Variants in NYAP2 observed in about 807,000 individuals in gnomAD.
NYAP2 encodes neuronal tyrosine-phosphorylated phosphoinositide-3-kinase adaptor 2, also known as neuronal tyrosine-phosphorylated phosphoinositide-3-kinase adapter 2.
NYAP2 carries 23 observed loss-of-function variants against 50.4 expected under a neutral mutation model. That is an observed-to-expected ratio of 0.46 (90% confidence interval 0.33 to 0.65). NYAP2 has a LOEUF of 0.65. Among genes scored for constraint, NYAP2 ranks in the 30% least tolerant of loss-of-function variants. The pLI, the probability that NYAP2 is intolerant of heterozygous loss-of-function variation, is 0.02. For synonymous variants in NYAP2, 394 were observed against 365.2 expected, an observed-to-expected ratio of 1.08 and a Z score of -0.90; for missense variants, 885 against 861.0, an observed-to-expected ratio of 1.03 and a Z score of -0.35.
intron 5 of NYAP2, among the ~76,000 whole-genome samples, chr2:225,609,724 C>A (rs1428623005): frequency 1.3e-5 from 2 of 152,038 alleles, no homozygotes; most frequent in Admixed American, 1.3e-4. Context: ...GTGGTACTTT[C>A]TTTATTTAAA....
intron 5 of NYAP2, among the ~76,000 whole-genome samples, chr2:225,622,518 C>CTTTCTTCTTTCTTTCT (rs149175182): frequency 2.8e-5 from 2 of 70,398 alleles, no homozygotes; most frequent in African/African-American, 8.3e-5. Flanking sequence ...TTCTTTCTTT[C>CTTTCTTCTTTCTTTCT]TTCTTTCTTT....
At chr2:225,598,372 A>G (rs1011881495) in intron 5 of NYAP2, among the ~76,000 whole-genome samples, 4 of 152,250 alleles carry the variant, frequency 2.6e-5, no homozygotes, top group Non-Finnish European at 5.9e-5. Flanking sequence ...CCAAAAAGCT[A>G]TAGGTATTAA....
intron 3 of NYAP2, among the ~76,000 whole-genome samples, chr2:225,433,908 T>A (rs1447634070): frequency 6.8e-6 from 1 of 147,672 alleles, no homozygotes; most frequent in Admixed American, 6.8e-5. Flanking sequence ...ATTTTGCAAA[T>A]ATCAGTATTT....
At chr2:225,688,279 A>G in the NYAP2 span, among the ~76,000 whole-genome samples, 2 of 152,264 alleles carry the variant, frequency 1.3e-5, no homozygotes, top group East Asian at 1.9e-4. Flanking sequence ...ACTTTGTACA[A>G]TTTGAGGTAT....
chr2:225,639,021 T>G (rs1253461311), intron 6 of NYAP2, among the ~76,000 whole-genome samples: 4 of 151,396 alleles, frequency 2.6e-5, no homozygotes, highest in Non-Finnish European at 5.9e-5. Context: ...AGTAAGACTT[T>G]TTGTAACTAA....
chr2:225,598,448 A>T (rs1297042351), intron 5 of NYAP2, among the ~76,000 whole-genome samples: 2 of 152,210 alleles, frequency 1.3e-5, no homozygotes, highest in Non-Finnish European at 2.9e-5. Context: ...TAGTATGTGG[A>T]TGGAAGACTG....
the NYAP2 span, among the ~76,000 whole-genome samples, chr2:225,667,229 A>T: frequency 6.6e-6 from 1 of 151,642 alleles, no homozygotes; most frequent in African/African-American, 2.4e-5. Context: ...GATATGACAA[A>T]CTCCTGTGTT....
the NYAP2 span, among the ~76,000 whole-genome samples, chr2:225,669,858 T>A: frequency 6.6e-6 from 1 of 152,132 alleles, no homozygotes; most frequent in Non-Finnish European, 1.5e-5. Context: ...GCAAGAAGGT[T>A]AAATAAATAG....
At chr2:225,526,731 C>T (rs763819148) in intron 4 of NYAP2, among the ~76,000 whole-genome samples, 2 of 152,164 alleles carry the variant, frequency 1.3e-5, no homozygotes, top group Non-Finnish European at 2.9e-5. Flanking sequence ...CACTGCTTAG[C>T]ACTATACTAA....
At position 225,460,992 on chromosome 2, in the gene NYAP2, CAAA is replaced by C. The variant is rs869283101; in HGVS notation, c.221+51914_221+51916del. Among the ~76,000 whole-genome samples, 102 of 43,046 alleles carry C rather than the reference CAAA, an allele frequency of 2.4e-3. 1 individual carries two copies. The highest frequency in any genetic ancestry group is 5.8e-3 in the African/African-American group (97 of 16,606). The allele number at this position is 43,046 out of a possible 152,430, so 28.2% of individuals were successfully genotyped here. A position where few individuals can be genotyped will look rare whatever the true frequency, so the allele number is the denominator to read the frequency against. ...TGAGCGACAGAGCGAGACTCTGTCT[CAAA>C]AAAAAAAAAAAAAAAAAAAAAAGAT... On this transcript the variant is annotated intron_variant, in intron 3 of 6. Transcript: ENST00000636099.
chr2:225,683,192 A>C, the NYAP2 span, among the ~76,000 whole-genome samples: 1 of 151,990 alleles, frequency 6.6e-6, no homozygotes, highest in Non-Finnish European at 1.5e-5. Flanking sequence ...TTCAGCAAAA[A>C]CTTTTTGGTG....
chr2:225,571,354 A>G (rs1692069757), intron 4 of NYAP2, among the ~76,000 whole-genome samples: 1 of 152,208 alleles, frequency 6.6e-6, no homozygotes, highest in African/African-American at 2.4e-5. Context: ...TTTCCCTTCC[A>G]CACTGCCATA....
At chr2:225,689,607 T>A in the NYAP2 span, among the ~76,000 whole-genome samples, 1 of 152,136 alleles carries the variant, frequency 6.6e-6, no homozygotes, top group African/African-American at 2.4e-5. Flanking sequence ...AATTTAGACA[T>A]GGGAAATAAA....
At chr2:225,454,623 C>T (rs967000071) in intron 3 of NYAP2, among the ~76,000 whole-genome samples, 3 of 152,240 alleles carry the variant, frequency 2.0e-5, no homozygotes, top group East Asian at 1.9e-4. Context: ...ACTTGAGCTC[C>T]GCCTCCTGTC....
At chr2:225,594,247 G>C (rs1354952501) in intron 5 of NYAP2, among the ~76,000 whole-genome samples, 3 of 152,174 alleles carry the variant, frequency 2.0e-5, no homozygotes, top group Admixed American at 6.5e-5. Flanking sequence ...TCAATGGCCG[G>C]GTGCGGTGGC....
At chr2:225,637,015 C>G (rs1011862302) in intron 6 of NYAP2, among the ~76,000 whole-genome samples, 1 of 152,146 alleles carries the variant, frequency 6.6e-6, no homozygotes, top group Non-Finnish European at 1.5e-5. Flanking sequence ...TGGCGTGACA[C>G]AGATACCATG....
the NYAP2 span, chr2:225,699,817 T>TA: frequency 6.6e-6 from 1 of 151,780 alleles, no homozygotes; most frequent in African/African-American, 2.4e-5. Flanking sequence ...AAATTTAAGT[T>TA]AAAAAAATCA....
chr2:225,445,979 T>C (rs1689547034), intron 3 of NYAP2, among the ~76,000 whole-genome samples: 1 of 152,010 alleles, frequency 6.6e-6, no homozygotes, highest in Non-Finnish European at 1.5e-5. Flanking sequence ...GTAAAACTCA[T>C]AGAGTTATTG....
the NYAP2 span, among the ~76,000 whole-genome samples, chr2:225,693,443 CG>C: frequency 1.3e-5 from 2 of 152,002 alleles, no homozygotes; most frequent in South Asian, 4.1e-4. Context: ...TAGTTTACTA[CG>C]GTTGATCGCC....
Sources: gnomAD v4.1 joint callset for allele counts (sites outside exome capture counted in the v4.1 genomes callset) on GRCh38, gnomAD v4.1.1 for gene constraint, MANE v1.5 for transcripts, NCBI Gene and HGNC (gene_info 2026-07-23, HGNC 2026-07-21) for gene names.